IFT80: variants seen among roughly 807,000 people sequenced by gnomAD.
IFT80 encodes intraflagellar transport protein 80 homolog.
In IFT80, 79 loss-of-function variants were observed where a neutral mutation model predicts 107.9. The observed-to-expected ratio is 0.73, with a 90% CI of 0.61 to 0.88. The LOEUF (loss-of-function observed/expected upper bound fraction) is 0.88. Ranked by LOEUF, IFT80 falls within the 40% of genes least tolerant of loss-of-function variation. The probability of loss-of-function intolerance (pLI) is 0.00; values close to 1 mark genes in which losing one functional copy is unlikely to be tolerated. For missense variants in IFT80, 797 were observed against 914.2 expected (o/e 0.87, Z 1.65); for synonymous variants, 299 against 300.9 (o/e 0.99, Z 0.07).
intron 8 of IFT80, among the ~76,000 whole-genome samples, chr3:160,340,482 C>T (rs1200655066): frequency 1.3e-5 from 2 of 152,162 alleles, no homozygotes; most frequent in Non-Finnish European, 2.9e-5. Context: ...TCTGGAAGCT[C>T]CGGGAGAAGG....
chr3:160,325,083 G>C (rs958550054), intron 8 of IFT80, among the ~76,000 whole-genome samples: 1 of 151,088 alleles, frequency 6.6e-6, no homozygotes, highest in Admixed American at 6.6e-5. Context: ...GGGACGTGAA[G>C]GACCTCTTCA....
At chr3:160,386,861 G>A (rs963370045) in intron 1 of IFT80, among the ~76,000 whole-genome samples, 1 of 152,228 alleles carries the variant, frequency 6.6e-6, no homozygotes, top group African/African-American at 2.4e-5. Context: ...TAGGGAAGGA[G>A]AGGGTGGGAC....
At position 160,323,150 on chromosome 3, in the gene IFT80, T is replaced by G. The variant is rs557243925; in HGVS notation, c.778-3211A>C. Among the ~76,000 whole-genome samples, 1,221 of 149,524 alleles carry G rather than the reference T, an allele frequency of 8.2e-3. 7 individuals carry two copies. The highest frequency in any genetic ancestry group is 0.011 in the Non-Finnish European group (761 of 66,964). On this transcript the variant is annotated intron_variant, in intron 8 of 19. Coordinates refer to ENST00000326448, the MANE Select transcript of IFT80 (RefSeq NM_020800.3). ...GAATGGTAATGCCTAGGTTTTCTTC[T>G]AGGGTTTTTATGGTTTTAGGTCTAA...
intron 18 of IFT80, among the ~76,000 whole-genome samples, chr3:160,275,421 C>T (rs1002807909): frequency 1.2e-4 from 19 of 152,186 alleles, no homozygotes; most frequent in African/African-American, 4.6e-4. Context: ...CTGTTTATCT[C>T]TCTAATTATT....
chr3:160,287,178 G>C (rs1020528495), intron 12 of IFT80, among the ~76,000 whole-genome samples: 1 of 152,158 alleles, frequency 6.6e-6, no homozygotes, highest in Non-Finnish European at 1.5e-5. Context: ...TGAGAGAAGA[G>C]GGCACAGAAA....
chr3:160,324,683 G>C (rs1718546219), intron 8 of IFT80, among the ~76,000 whole-genome samples: 1 of 152,052 alleles, frequency 6.6e-6, no homozygotes, highest in African/African-American at 2.4e-5. Context: ...ATACTGAATG[G>C]GCAAAAACTG....
intron 2 of IFT80, among the ~76,000 whole-genome samples, chr3:160,383,203 A>C (rs1712661962): frequency 6.6e-6 from 1 of 152,226 alleles, no homozygotes; most frequent in Admixed American, 6.5e-5. Flanking sequence ...TTATCGTAGA[A>C]ATGAGAAGAC....
At position 160,377,279 on chromosome 3, in the gene IFT80, G is replaced by A. The variant is rs528323977; in HGVS notation, c.370+151C>T. On this transcript the variant is annotated intron_variant, in intron 4 of 19. Coordinates refer to ENST00000326448, the MANE Select transcript of IFT80 (RefSeq NM_020800.3). The stretch of plus-strand genomic sequence containing the variant: ...AATGATTAATATAACATTCTGAATT[G>A]TAACATTTATATAGCAGTGTAGAAC... 129 of 573,536 alleles carry A rather than the reference G, an allele frequency of 2.2e-4. 5 individuals are homozygous for A. In the South Asian group the frequency reaches 3.0e-3, roughly 14 times the overall value. 35.5% of individuals were successfully genotyped at this position (573,536 alleles called of 1,614,324 possible).
intron 8 of IFT80, among the ~76,000 whole-genome samples, chr3:160,322,847 T>C (rs898104244): frequency 4.6e-5 from 7 of 152,222 alleles, no homozygotes; most frequent in African/African-American, 1.7e-4. Flanking sequence ...TTGAGAAGTG[T>C]CTGTTCATAT....
intron 8 of IFT80, among the ~76,000 whole-genome samples, chr3:160,354,516 G>A (rs1720930790): frequency 6.6e-6 from 1 of 152,136 alleles, no homozygotes; most frequent in African/African-American, 2.4e-5. Flanking sequence ...AGCCGGGCGT[G>A]GTGACGAGTG....
At chr3:160,367,405 C>T (rs1721941356) in intron 5 of IFT80, among the ~76,000 whole-genome samples, 1 of 152,174 alleles carries the variant, frequency 6.6e-6, no homozygotes, top group Admixed American at 6.5e-5. Flanking sequence ...ATTATCATAC[C>T]TGATGCTACA....
intron 8 of IFT80, among the ~76,000 whole-genome samples, chr3:160,338,290 TG>T (rs1348445922): frequency 1.3e-5 from 2 of 152,184 alleles, no homozygotes; most frequent in African/African-American, 2.4e-5. Context: ...CCCATTGGCC[TG>T]GCACCAACTG....
At chr3:160,390,497 G>A (rs984223376) in intron 1 of IFT80, among the ~76,000 whole-genome samples, 12 of 151,992 alleles carry the variant, frequency 7.9e-5, no homozygotes, top group Non-Finnish European at 1.5e-4. Context: ...GAGAGTAAAG[G>A]GATCATTCAG....
intron 2 of IFT80, chr3:160,384,180 G>C (rs955229575): frequency 3.6e-5 from 7 of 192,922 alleles, no homozygotes; most frequent in Admixed American, 6.5e-5. Flanking sequence ...AGGAGGTAGA[G>C]GGTTGCAGTG....
rs990434410 is a variant in IFT80, at chr3:160,384,675, A to C, written c.-46-29T>G. 11 of 1,535,740 alleles carry C rather than the reference A, an allele frequency of 7.2e-6. No individual in the cohort carries two copies. The African/African-American group carries it at 1.5e-4, about 21-fold the overall frequency. ...TAAAAATAAAAGGAGAGAAAATATA[A>C]AGTCAGCATTAAAAACAAATGTACG... On this transcript the variant is annotated intron_variant, in intron 1 of 19. Coordinates refer to ENST00000326448, the MANE Select transcript of IFT80 (RefSeq NM_020800.3).
intron 12 of IFT80, among the ~76,000 whole-genome samples, chr3:160,292,718 C>T (rs191649550): frequency 4.6e-5 from 7 of 152,110 alleles, no homozygotes; most frequent in Admixed American, 2.6e-4. Context: ...CCTTGTGATG[C>T]GCCCGCCTCG....
At chr3:160,389,392 C>T (rs985053809) in intron 1 of IFT80, among the ~76,000 whole-genome samples, 2 of 151,706 alleles carry the variant, frequency 1.3e-5, no homozygotes, top group Non-Finnish European at 2.9e-5. Flanking sequence ...AGGTTAGTTA[C>T]ATATGTATAC....
At chr3:160,343,671 G>T (rs563266651) in intron 8 of IFT80, 57 of 212,616 alleles carry the variant, frequency 2.7e-4, no homozygotes, top group African/African-American at 1.2e-3. Context: ...TGTACAATTA[G>T]TTTCTATATT....
At chr3:160,280,431 A>C (rs1292751561) in intron 15 of IFT80, among the ~76,000 whole-genome samples, 2 of 152,198 alleles carry the variant, frequency 1.3e-5, no homozygotes, top group African/African-American at 4.8e-5. Flanking sequence ...ATTACACAAT[A>C]TTAAGCTTGA....
Sources: allele counts gnomAD v4.1 joint callset (sites outside exome capture counted in the v4.1 genomes callset), GRCh38; gene constraint gnomAD v4.1.1; transcripts MANE v1.5; gene names NCBI Gene and HGNC (gene_info 2026-07-23, HGNC 2026-07-21).